Variants in DZANK1 observed in about 807,000 individuals in gnomAD.
DZANK1 encodes the protein double zinc ribbon and ankyrin repeat domains 1.
DZANK1 carries 91 observed loss-of-function variants against 94.5 expected under a neutral mutation model. The ratio of observed to expected loss-of-function variants is 0.96; its 90% CI spans 0.81 to 1.15. DZANK1 has a LOEUF of 1.15. DZANK1 is among the 50% of genes most tolerant of loss of function. DZANK1 has a pLI of 0.00. For synonymous variants in DZANK1, 312 were observed against 325.3 expected (o/e 0.96, Z 0.44); for missense variants, 903 against 916.4 (o/e 0.99, Z 0.19).
chr20:18,448,866 CAAAAAAA>C (rs1204337584), intron 7 of DZANK1, 111 bp downstream of exon 7: 54 of 473,074 alleles, frequency 1.1e-4, no homozygotes, highest in Non-Finnish European at 1.3e-4. Context: ...GACTCCGTCT[CAAAAAAA>C]AAAAAAAAAA....
chr20:18,402,843 T>A lies in DZANK1; in HGVS notation c.1433-4217A>T, dbSNP rs4813317. ...TTTGCCACTGCAAACAAAACTATTT[T>A]AAAAAACAGCAAAATCCATCACAAG... is the stretch of plus-strand genomic sequence containing the variant. On this transcript the variant is annotated intron_variant, in intron 13 of 20. Transcript: ENST00000262547. Among the ~76,000 whole-genome samples, 368 of 152,206 alleles carry A rather than the reference T, an allele frequency of 2.4e-3. 5 individuals carry two copies. The highest frequency in any genetic ancestry group is 0.02 in the Admixed American group (308 of 15,290).
At chr20:18,397,454 G>A (rs1402747629) in intron 14 of DZANK1, among the ~76,000 whole-genome samples, 1 of 152,174 alleles carries the variant, frequency 6.6e-6, no homozygotes, top group African/African-American at 2.4e-5. Context: ...CGACAGATCT[G>A]CTTCAAATCT....
chr20:18,408,885 G>C (rs773935498), intron 13 of DZANK1, among the ~76,000 whole-genome samples: 1 of 152,200 alleles, frequency 6.6e-6, no homozygotes, highest in Admixed American at 6.5e-5. Context: ...CACTGGCATT[G>C]TGGTGTGTGA....
At chr20:18,398,564 G>T in exon 14 of DZANK1, 1 of 1,613,990 alleles carries the variant, frequency 6.2e-7, no homozygotes, top group Non-Finnish European at 8.5e-7. Flanking sequence ...CGGAATTCAG[G>T]GTTGTTCTGA....
At chr20:18,452,474 G>T in intron 6 of DZANK1, 141 bp downstream of exon 6, 3 of 978,810 alleles carry the variant, frequency 3.1e-6, no homozygotes, top group Non-Finnish European at 4.4e-6. Flanking sequence ...GACTTTTCTT[G>T]TCCAGTACAG....
At chr20:18,427,068 T>G (rs756449583) in exon 10 of DZANK1, 8 of 1,608,256 alleles carry the variant, frequency 5.0e-6, no homozygotes, top group Non-Finnish European at 6.0e-6. Flanking sequence ...TCAACCTACC[T>G]CTTGTGATGA....
intron 10 of DZANK1, among the ~76,000 whole-genome samples, chr20:18,422,454 T>C (rs1600912500): frequency 6.6e-6 from 1 of 152,324 alleles, no homozygotes; most frequent in African/African-American, 2.4e-5. Flanking sequence ...GCTGAATATC[T>C]CTAATCTGAA....
chr20:18,438,699 G>A (rs908441737), intron 8 of DZANK1, among the ~76,000 whole-genome samples: 5 of 152,196 alleles, frequency 3.3e-5, no homozygotes, highest in African/African-American at 1.2e-4. Flanking sequence ...ACACCATAAA[G>A]TGGGTGGCTT....
chr20:18,440,971 A>C (rs993791372), intron 8 of DZANK1, among the ~76,000 whole-genome samples: 7 of 152,166 alleles, frequency 4.6e-5, no homozygotes, highest in Non-Finnish European at 1.0e-4. Context: ...CATCAATATA[A>C]CCCTGGAGCT....
intron 2 of DZANK1, among the ~76,000 whole-genome samples, chr20:18,462,801 G>A (rs2059515792): frequency 6.6e-6 from 1 of 151,996 alleles, no homozygotes; most frequent in South Asian, 2.1e-4. Flanking sequence ...AGCTGGGCAT[G>A]GTGGCACACA....
chr20:18,384,476 G>A (rs1335949048), exon 21 of DZANK1: 5 of 1,612,122 alleles, frequency 3.1e-6, no homozygotes, highest in East Asian at 4.5e-5. Flanking sequence ...GCAGCAAAGA[G>A]TGAGGTGACA....
chr20:18,423,931 TA>T (rs762110359), intron 10 of DZANK1, among the ~76,000 whole-genome samples: 1 of 150,184 alleles, frequency 6.7e-6, no homozygotes, highest in East Asian at 2.0e-4. Flanking sequence ...AAGAGCAAAA[TA>T]AAAAAAATAG....
At chr20:18,403,130 A>G (rs2056773779) in intron 13 of DZANK1, among the ~76,000 whole-genome samples, 1 of 152,232 alleles carries the variant, frequency 6.6e-6, no homozygotes, top group Non-Finnish European at 1.5e-5. Context: ...TGCCCTTTGC[A>G]CAGGCTAAGT....
chr20:18,412,784 C>T (rs996587292), exon 13 of DZANK1: 23 of 1,613,820 alleles, frequency 1.4e-5, no homozygotes, highest in Non-Finnish European at 1.9e-5. Flanking sequence ...GTCTGTGTTC[C>T]TATGTCCCTC....
At chr20:18,418,495 T>C (rs138402669) in intron 10 of DZANK1, among the ~76,000 whole-genome samples, 1 of 152,340 alleles carries the variant, frequency 6.6e-6, no homozygotes, top group East Asian at 1.9e-4. Flanking sequence ...CCTCAAATTT[T>C]TTTCTTGGTA....
intron 8 of DZANK1, among the ~76,000 whole-genome samples, chr20:18,436,503 G>A (rs888421699): frequency 6.7e-6 from 1 of 148,754 alleles, no homozygotes; most frequent in Non-Finnish European, 1.5e-5. Flanking sequence ...ACAGAAGAAA[G>A]AATCAGTGAA....
intron 15 of DZANK1, among the ~76,000 whole-genome samples, chr20:18,395,290 G>C (rs1291023841): frequency 1.3e-5 from 2 of 152,212 alleles, no homozygotes; most frequent in Admixed American, 6.5e-5. Context: ...GAACCCAGGA[G>C]GGGGAGGTTT....
Position 18,433,643 on chromosome 20 carries a change from T to C in DZANK1, c.861+9A>G. 7.4e-6 allele frequency: 12 copies of C among 1,611,806 alleles called. No individual in the cohort carries two copies. Among genetic ancestry groups the C allele is most frequent in the Non-Finnish European group, 1.0e-5 (12 of 1,177,852 alleles). ...TCATTCATGTTTTTACAGAATCACA[T>C]TTCATTACCTTCAAGTGGAGGCTTG... is the stretch of plus-strand genomic sequence containing the variant. On this transcript the variant is annotated intron_variant, in intron 9 of 20. Coordinates refer to ENST00000262547, the Ensembl canonical transcript of DZANK1.
At chr20:18,402,870 A>T (rs1314201762) in intron 13 of DZANK1, among the ~76,000 whole-genome samples, 1 of 152,192 alleles carries the variant, frequency 6.6e-6, no homozygotes, top group Non-Finnish European at 1.5e-5. Flanking sequence ...CATCACAAGT[A>T]CTTTAGAGCC....
Sources: allele counts gnomAD v4.1 joint callset (sites outside exome capture counted in the v4.1 genomes callset), GRCh38; gene constraint gnomAD v4.1.1; transcripts MANE v1.5; gene names NCBI Gene and HGNC (gene_info 2026-07-23, HGNC 2026-07-21).